The following MB21D2 variants were observed in gnomAD, a reference collection of about 807,000 sequenced individuals.
MB21D2 encodes nucleotidyltransferase MB21D2.
MB21D2 carries 9 observed loss-of-function variants against 33.3 expected under a neutral mutation model. The ratio of observed to expected loss-of-function variants is 0.27; its 90% CI spans 0.16 to 0.47. MB21D2 has a LOEUF of 0.47. Ranked by LOEUF, MB21D2 falls within the 20% of genes least tolerant of loss-of-function variation. The pLI, the probability that MB21D2 is intolerant of heterozygous loss-of-function variation, is 0.99. For missense variants in MB21D2, 540 were observed against 624.6 expected, an observed-to-expected ratio of 0.86 and a Z score of 1.44; for synonymous variants, 241 against 236.3, an observed-to-expected ratio of 1.02 and a Z score of -0.18.
intron 1 of MB21D2, among the ~76,000 whole-genome samples, chr3:192,859,948 A>G (rs960619560): frequency 2.0e-5 from 3 of 152,204 alleles, no homozygotes; most frequent in Non-Finnish European, 4.4e-5. Context: ...AAGATGCATA[A>G]ATGAAACTAA....
intron 1 of MB21D2, among the ~76,000 whole-genome samples, chr3:192,851,368 G>T (rs2108629543): frequency 6.6e-6 from 1 of 152,172 alleles, no homozygotes; most frequent in East Asian, 1.9e-4. Context: ...GGAGTAGAAG[G>T]TGACTGCTAA....
chr3:192,810,590 T>C (rs7645673), intron 1 of MB21D2, among the ~76,000 whole-genome samples: 42 of 152,312 alleles, frequency 2.8e-4, no homozygotes, highest in African/African-American at 9.6e-4. Context: ...TTCAAACATA[T>C]ACAATAGTAG....
intron 1 of MB21D2, among the ~76,000 whole-genome samples, chr3:192,917,404 G>C (rs567665612): frequency 1.3e-5 from 2 of 152,218 alleles, no homozygotes; most frequent in African/African-American, 4.8e-5. Flanking sequence ...AAGCGAACAG[G>C]GGGAAAGGGA....
At chr3:192,809,647 G>C (rs1212880931) in intron 1 of MB21D2, among the ~76,000 whole-genome samples, 1 of 152,226 alleles carries the variant, frequency 6.6e-6, no homozygotes, top group Admixed American at 6.5e-5. Flanking sequence ...CTATTTTGGA[G>C]TAAACAGATT....
intron 1 of MB21D2, among the ~76,000 whole-genome samples, chr3:192,897,787 T>C (rs1714009850): frequency 6.6e-6 from 1 of 150,570 alleles, no homozygotes; most frequent in Admixed American, 6.6e-5. Context: ...AGCCCAGGAG[T>C]TCAAGACCAG....
chr3:192,900,334 A>G (rs1714068927), intron 1 of MB21D2, among the ~76,000 whole-genome samples: 2 of 151,834 alleles, frequency 1.3e-5, no homozygotes, highest in South Asian at 2.1e-4. Context: ...AGGGGAGAAA[A>G]GAGAAAAGCA....
chr3:192,802,468 C>T (rs1460688278), intron 1 of MB21D2, among the ~76,000 whole-genome samples: 1 of 152,164 alleles, frequency 6.6e-6, no homozygotes. Context: ...AAACAAAAAC[C>T]GTCTTCAGCA....
At chr3:192,874,072 G>A (rs1412142128) in intron 1 of MB21D2, among the ~76,000 whole-genome samples, 1 of 152,178 alleles carries the variant, frequency 6.6e-6, no homozygotes, top group African/African-American at 2.4e-5. Context: ...ATGGAAATGA[G>A]TGGTAGTGTC....
chr3:192,847,824 C>T (rs1269794219), intron 1 of MB21D2, among the ~76,000 whole-genome samples: 1 of 152,112 alleles, frequency 6.6e-6, no homozygotes, highest in East Asian at 1.9e-4. Context: ...GAAAAACAAA[C>T]AGTTGCATCC....
At chr3:192,898,032 T>C (rs1714015600) in intron 1 of MB21D2, among the ~76,000 whole-genome samples, 1 of 152,156 alleles carries the variant, frequency 6.6e-6, no homozygotes, top group African/African-American at 2.4e-5. Context: ...CACATGGGCA[T>C]GGAGGTATTG....
At chr3:192,833,967 T>C (rs1712375490) in intron 1 of MB21D2, among the ~76,000 whole-genome samples, 1 of 152,178 alleles carries the variant, frequency 6.6e-6, no homozygotes, top group South Asian at 2.1e-4. Context: ...GCATCACAAA[T>C]GGTTGTCTCA....
At chr3:192,850,801 C>T (rs749418509) in intron 1 of MB21D2, among the ~76,000 whole-genome samples, 6 of 152,224 alleles carry the variant, frequency 3.9e-5, no homozygotes, top group African/African-American at 1.4e-4. Context: ...CAGACACCCA[C>T]GCCACAGGCC....
intron 1 of MB21D2, among the ~76,000 whole-genome samples, chr3:192,910,709 G>A (rs554401565): frequency 3.3e-4 from 51 of 152,290 alleles, no homozygotes; most frequent in African/African-American, 1.2e-3. Flanking sequence ...CTGGGTATAA[G>A]CATATGTATA....
intron 1 of MB21D2, among the ~76,000 whole-genome samples, chr3:192,808,222 TGG>T (rs1711707650): frequency 6.6e-6 from 1 of 152,174 alleles, no homozygotes. Flanking sequence ...CTGGGAGAAC[TGG>T]GAATCTGTGA....
intron 1 of MB21D2, among the ~76,000 whole-genome samples, chr3:192,817,919 G>A (rs1034038331): frequency 1.3e-4 from 17 of 133,282 alleles, no homozygotes; most frequent in Non-Finnish European, 2.4e-4. Flanking sequence ...TGTCTTAACT[G>A]CTCCCTTATG....
chr3:192,890,234 A>T (rs992199275), intron 1 of MB21D2, among the ~76,000 whole-genome samples: 10 of 152,234 alleles, frequency 6.6e-5, no homozygotes, highest in Middle Eastern at 3.4e-3. Context: ...TAATGGTAAT[A>T]TGCAAACAGA....
At chr3:192,818,439 C>G (rs938392889) in intron 1 of MB21D2, among the ~76,000 whole-genome samples, 27 of 140,626 alleles carry the variant, frequency 1.9e-4, no homozygotes, top group African/African-American at 8.6e-4. Flanking sequence ...GAACTAGCAG[C>G]TAAAAAAAAT....
chr3:192,844,854 G>T (rs1223446064), intron 1 of MB21D2, among the ~76,000 whole-genome samples: 1 of 152,134 alleles, frequency 6.6e-6, no homozygotes, highest in Non-Finnish European at 1.5e-5. Flanking sequence ...TAAGCCAAGA[G>T]CCCCCCTTTG....
chr3:192,906,817 G>C (rs1714224892), intron 1 of MB21D2, among the ~76,000 whole-genome samples: 1 of 152,208 alleles, frequency 6.6e-6, no homozygotes, highest in Non-Finnish European at 1.5e-5. Flanking sequence ...GCACATGGCA[G>C]GCATGCCAAC....
Sources: allele counts gnomAD v4.1 joint callset (sites outside exome capture counted in the v4.1 genomes callset), GRCh38; gene constraint gnomAD v4.1.1; transcripts MANE v1.5; gene names NCBI Gene and HGNC (gene_info 2026-07-23, HGNC 2026-07-21).